ZNF331: variants seen among roughly 807,000 people sequenced by gnomAD.
ZNF331 encodes the protein C2H2-like zinc finger protein rearranged in thyroid adenomas.
In ZNF331, 2 loss-of-function variants were observed where a neutral mutation model predicts 7.0. That is an observed-to-expected ratio of 0.29 (90% CI 0.12 to 0.90). The LOEUF (loss-of-function observed/expected upper bound fraction) is 0.90, where lower values mean the gene tolerates loss of function less well. ZNF331 is among the 40% of genes least tolerant of loss of function. The pLI is 0.58. For missense variants in ZNF331, 432 were observed against 587.7 expected, an observed-to-expected ratio of 0.74 and a Z score of 2.74; for synonymous variants, 196 against 205.4, an observed-to-expected ratio of 0.95 and a Z score of 0.39.
chr19:53,565,827 G>A (rs1568527809), intron 3 of ZNF331, among the ~76,000 whole-genome samples: 1 of 151,814 alleles, frequency 6.6e-6, no homozygotes, highest in Non-Finnish European at 1.5e-5. Flanking sequence ...CCATGGCTAG[G>A]AGTAGACTTT....
At chr19:53,512,166 C>G in the ZNF331 span, 10 of 152,510 alleles carry the variant, frequency 6.6e-5, no homozygotes, top group Non-Finnish European at 1.3e-4. Flanking sequence ...TCTCTCCATC[C>G]TGGGAGGAGC....
intron 3 of ZNF331, among the ~76,000 whole-genome samples, chr19:53,562,155 A>T (rs1482643960): frequency 6.6e-6 from 1 of 152,080 alleles, no homozygotes; most frequent in African/African-American, 2.4e-5. Context: ...CTCAAAAAAT[A>T]AGATAAAATA....
At chr19:53,520,273 C>T (rs931772893), upstream of ZNF331, among the ~76,000 whole-genome samples, 1 of 152,062 alleles carries the variant, frequency 6.6e-6, no homozygotes, top group African/African-American at 2.4e-5. Context: ...TCTCGAACTC[C>T]TGATCTCAGG....
upstream of ZNF331, among the ~76,000 whole-genome samples, chr19:53,517,859 C>T (rs1037517113): frequency 1.3e-5 from 2 of 152,156 alleles, no homozygotes; most frequent in Non-Finnish European, 2.9e-5. Context: ...GGTCCACACA[C>T]GTTTGTATCT....
chr19:53,547,836 T>C (rs1488832897), intron 2 of ZNF331, among the ~76,000 whole-genome samples: 4 of 152,224 alleles, frequency 2.6e-5, no homozygotes, highest in African/African-American at 4.8e-5. Context: ...TATCAAGAAA[T>C]GGCTGTTCAA....
upstream of ZNF331, among the ~76,000 whole-genome samples, chr19:53,517,576 C>A (rs2086932425): frequency 6.6e-6 from 1 of 152,156 alleles, no homozygotes; most frequent in Non-Finnish European, 1.5e-5. Flanking sequence ...CAGCCCAGAC[C>A]AGGAGACTGT....
intron 2 of ZNF331, among the ~76,000 whole-genome samples, chr19:53,540,634 T>C (rs995119286): frequency 1.3e-5 from 2 of 152,154 alleles, no homozygotes; most frequent in Non-Finnish European, 2.9e-5. Flanking sequence ...GGTTTCTCCT[T>C]GTTGATCAGG....
upstream of ZNF331, among the ~76,000 whole-genome samples, chr19:53,518,287 G>C (rs973148199): frequency 2.0e-5 from 3 of 152,158 alleles, no homozygotes; most frequent in Non-Finnish European, 2.9e-5. Context: ...ACTTACACTG[G>C]TGGTTTGCCG....
At chr19:53,525,342 A>G (rs551393929) in intron 2 of ZNF331, among the ~76,000 whole-genome samples, 1 of 152,298 alleles carries the variant, frequency 6.6e-6, no homozygotes, top group East Asian at 1.9e-4. Flanking sequence ...TTGAATCTAT[A>G]AATTACCTTG....
At chr19:53,550,200 T>C (rs1287999552) in intron 2 of ZNF331, among the ~76,000 whole-genome samples, 1 of 152,240 alleles carries the variant, frequency 6.6e-6, no homozygotes. Flanking sequence ...AGAATGTACA[T>C]GCTGCCGCTA....
chr19:53,577,286 C>T lies in ZNF331; in HGVS notation c.726C>T (p.Asp242=). 1.2e-6 allele frequency: 2 copies of T among 1,613,812 alleles called. No homozygotes were observed. Among genetic ancestry groups the T allele is most frequent in the Non-Finnish European group, 1.7e-6 (2 of 1,179,986 alleles). ...AGAGATTCCACACTGGGGAGAAAGACTACGAATGCAAAGACTGTGGGAAGA... is the reference window on the plus strand; with the variant it reads ...AGAGATTCCACACTGGGGAGAAAGATTACGAATGCAAAGACTGTGGGAAGA... The part of the protein sequence containing the change: ...QHQRFHTGEK[D]YECKDCGKTF... The change falls in exon 6 of 6, where the codon GAC becomes GAT. Residue 242 remains aspartate (D), a synonymous_variant. Transcript: ENST00000449416.
At chr19:53,516,403 T>G (rs1424430027), upstream of ZNF331, among the ~76,000 whole-genome samples, 1 of 147,514 alleles carries the variant, frequency 6.8e-6, no homozygotes, top group African/African-American at 2.5e-5. Context: ...TGAGCCGAGA[T>G]GGGCCACTGC....
upstream of ZNF331, among the ~76,000 whole-genome samples, chr19:53,535,671 G>A (rs753739659): frequency 6.6e-6 from 1 of 152,102 alleles, no homozygotes; most frequent in African/African-American, 2.4e-5. Flanking sequence ...TATGAAAATA[G>A]TCACTGGATA....
At chr19:53,523,311 T>C (rs2569574) in intron 2 of ZNF331, 39,553 of 151,574 alleles carry the variant, frequency 0.26, 6,063 homozygotes, top group African/African-American at 0.43. Context: ...CTCTGCGTCC[T>C]GGGTTGCAGC....
intron 3 of ZNF331, among the ~76,000 whole-genome samples, chr19:53,562,412 G>C (rs1341344283): frequency 1.3e-5 from 2 of 152,088 alleles, no homozygotes; most frequent in Non-Finnish European, 2.9e-5. Flanking sequence ...GATTCACGCC[G>C]GGTGCAGTGG....
At chr19:53,505,132 G>C in the ZNF331 span, among the ~76,000 whole-genome samples, 1 of 152,306 alleles carries the variant, frequency 6.6e-6, no homozygotes, top group East Asian at 1.9e-4. Context: ...AGGCTTGTTA[G>C]TGCTGTGCTT....
the ZNF331 span, chr19:53,512,403 T>C: frequency 6.6e-6 from 1 of 152,238 alleles, no homozygotes; most frequent in Non-Finnish European, 1.5e-5. Context: ...TCTTCACAAA[T>C]GGCCTCAGAC....
the ZNF331 span, among the ~76,000 whole-genome samples, chr19:53,513,168 C>T: frequency 4.0e-5 from 6 of 151,456 alleles, no homozygotes; most frequent in South Asian, 8.5e-4. Context: ...CCCTCTCAGC[C>T]GCTGAGAAAT....
intron 3 of ZNF331, among the ~76,000 whole-genome samples, chr19:53,566,143 T>C (rs2090143267): frequency 6.6e-6 from 1 of 151,872 alleles, no homozygotes; most frequent in Non-Finnish European, 1.5e-5. Flanking sequence ...TAGGACAGGT[T>C]AGCAGGGCAC....
Sources: allele counts gnomAD v4.1 joint callset (sites outside exome capture counted in the v4.1 genomes callset), GRCh38; gene constraint gnomAD v4.1.1; transcripts MANE v1.5; gene names NCBI Gene and HGNC (gene_info 2026-07-23, HGNC 2026-07-21).